Variants in LMBRD2 observed in about 807,000 individuals in gnomAD.
LMBRD2 encodes G protein-coupled receptor-associated protein LMBRD2.
Under a neutral mutation model 94.4 loss-of-function variants are expected in LMBRD2, and 55 were observed. The observed-to-expected ratio is 0.58, with a 90% CI of 0.47 to 0.73. LMBRD2 has a LOEUF of 0.73. Ranked by LOEUF, LMBRD2 falls within the 30% of genes least tolerant of loss-of-function variation. LMBRD2 has a pLI of 0.00. For missense variants in LMBRD2, 640 were observed against 831.9 expected, an observed-to-expected ratio of 0.77 and a Z score of 2.84; for synonymous variants, 246 against 272.4, an observed-to-expected ratio of 0.90 and a Z score of 0.95.
chr5:36,139,367 C>T (rs1235281364), intron 4 of LMBRD2, among the ~76,000 whole-genome samples: 1 of 152,204 alleles, frequency 6.6e-6, no homozygotes, highest in Non-Finnish European at 1.5e-5. Flanking sequence ...GGCCTGCAGG[C>T]ACTGGTTGGC....
chr5:36,136,389 G>A lies in LMBRD2; in HGVS notation c.667C>T (p.Leu223Phe). The A allele has an allele frequency of 6.2e-7, 1 of 1,614,030 alleles. No individual in the cohort carries two copies. Among genetic ancestry groups the A allele is most frequent in the Non-Finnish European group, 8.5e-7 (1 of 1,179,946 alleles). ...GCTGCCTTAAAATACGTTTTCATAA[G>A]TAGATAACCCCTTTTTGCTCCATTC... The part of the protein sequence containing the change: ...YWNGAKRGYL[L>F]MKTYFKAAKL... Residue 223 changes from leucine (L) to phenylalanine (F), a missense_variant, in exon 6 of 18, where the codon CTT becomes TTT. Leu to Phe is a conservative substitution (Grantham distance 22, BLOSUM62 0). This residue lies in a region of LMBRD2 where 457 missense variants were observed against 642.8 expected (regional missense o/e 0.71). Coordinates refer to ENST00000296603, the MANE Select transcript of LMBRD2 (RefSeq NM_001007527.2).
rs547033012 is a variant in LMBRD2 at position 36,107,745 on chromosome 5, T to G, written c.1897+789A>C. Among the ~76,000 whole-genome samples the G allele has an allele frequency of 3.9e-4, 59 of 152,304 alleles. 2 individuals are homozygous for G. The South Asian group carries it at 0.012, about 31-fold the overall frequency. ...TATGGATATGCCACAGAGGGAGTCTTCTCCATGTTTCTATTCCTCCTCCAA... is the reference window on the plus strand; with the variant it reads ...TATGGATATGCCACAGAGGGAGTCTGCTCCATGTTTCTATTCCTCCTCCAA... On this transcript the variant is annotated intron_variant, in intron 16 of 17. Transcript: ENST00000296603.
intron 3 of LMBRD2, 74 bp from the exon 4 acceptor site, chr5:36,141,276 G>A: frequency 1.2e-6 from 1 of 818,874 alleles, no homozygotes; most frequent in East Asian, 2.7e-5. Flanking sequence ...ATTTGCATGT[G>A]GCCAAGTTAA....
chr5:36,138,312 A>T (rs952788084), intron 4 of LMBRD2, among the ~76,000 whole-genome samples: 8 of 152,238 alleles, frequency 5.3e-5, no homozygotes, highest in African/African-American at 1.9e-4. Flanking sequence ...AATTTATTTA[A>T]GAAGTTTGGC....
chr5:36,114,172 A>C (rs1743683984), intron 13 of LMBRD2, among the ~76,000 whole-genome samples: 1 of 152,144 alleles, frequency 6.6e-6, no homozygotes, highest in Admixed American at 6.5e-5. Context: ...ATCATTTTTT[A>C]GCCTAAATAG....
At position 36,122,960 on chromosome 5, in the gene LMBRD2, C is replaced by T. The variant is rs748783096; in HGVS notation, c.824G>A (p.Cys275Tyr). The T allele has an allele frequency of 2.0e-6, 3 of 1,483,704 alleles. No individual in the cohort carries two copies. The highest frequency in any genetic ancestry group is 1.8e-6 in the Non-Finnish European group (2 of 1,129,134). 91.9% of individuals were successfully genotyped at this position (1,483,704 alleles called of 1,614,324 possible). A position where few individuals can be genotyped will look rare whatever the true frequency, so the allele number is the denominator to read the frequency against. The change falls in exon 8 of 18, where the codon TGC becomes TAC. Residue 275 changes from cysteine to tyrosine, a missense_variant and splice_region_variant. By Grantham distance (194) the Cys-to-Tyr change is radical (BLOSUM62 -2). Coordinates refer to ENST00000296603, the MANE Select transcript of LMBRD2 (RefSeq NM_001007527.2). ...RKCVDTILKK[C>Y]PTEYQEKMGR... ...CATTTTTTCCTGATACTCTGTAGGG[C>T]ACTAAAAAAAAAAAAAAGTAGATTT...
At position 36,137,461 on chromosome 5, in the gene LMBRD2, A is replaced by G; in HGVS notation, c.369-20T>C. 1 of 1,494,990 alleles carries G rather than the reference A, an allele frequency of 6.7e-7. No homozygotes were observed. The highest frequency in any genetic ancestry group is 9.0e-7 in the Non-Finnish European group (1 of 1,105,798). 92.6% of individuals were successfully genotyped at this position (1,494,990 alleles called of 1,614,324 possible). A position where few individuals can be genotyped will look rare whatever the true frequency, so the allele number is the denominator to read the frequency against. Reference sequence around the variant, plus strand: ...AGAATCCTAGATGGATAGAAAAAATATGATTAAAAACCCAAATAATTGATA... The same window carrying G: ...AGAATCCTAGATGGATAGAAAAAATGTGATTAAAAACCCAAATAATTGATA... On this transcript the variant is annotated intron_variant, in intron 4 of 17. Transcript: ENST00000296603.
intron 6 of LMBRD2, among the ~76,000 whole-genome samples, chr5:36,128,030 C>A (rs1240595433): frequency 1.3e-5 from 2 of 152,102 alleles, no homozygotes; most frequent in East Asian, 3.9e-4. Context: ...GACACCCCTC[C>A]CCCACCTCCA....
intron 1 of LMBRD2, among the ~76,000 whole-genome samples, chr5:36,145,358 T>C (rs1744512403): frequency 1.3e-5 from 2 of 152,250 alleles, no homozygotes; most frequent in Non-Finnish European, 2.9e-5. Context: ...AAATTTCATA[T>C]TCTATGAAAC....
Position 36,130,577 on chromosome 5 carries a change from T to C in LMBRD2, c.747+5732A>G, listed in dbSNP as rs188624841. Among the ~76,000 whole-genome samples the C allele has an allele frequency of 7.2e-5, 11 of 152,178 alleles. No homozygotes were observed. The East Asian group carries it at 2.1e-3, about 29-fold the overall frequency. ...CAGAATGGCAGGAGTAAGTCCTCAC[T>C]TATCAATAATAACACTGAATGTAAA... On this transcript the variant is annotated intron_variant, in intron 6 of 17. Transcript: ENST00000296603.
chr5:36,123,603 G>A (rs879588811), intron 7 of LMBRD2, among the ~76,000 whole-genome samples: 1 of 151,688 alleles, frequency 6.6e-6, no homozygotes, highest in Admixed American at 6.6e-5. Context: ...AAAGACAATT[G>A]GGGAACTGCA....
intron 6 of LMBRD2, among the ~76,000 whole-genome samples, chr5:36,135,636 C>G (rs1177136681): frequency 6.6e-6 from 1 of 152,112 alleles, no homozygotes; most frequent in African/African-American, 2.4e-5. Context: ...GTATCATCAG[C>G]TGAGTAGCAT....
chr5:36,121,513 CA>C (rs1163381659), intron 9 of LMBRD2, among the ~76,000 whole-genome samples: 1 of 151,948 alleles, frequency 6.6e-6, no homozygotes, highest in East Asian at 1.9e-4. Context: ...CATAAATTAG[CA>C]AAAAGGAGAA....
In LMBRD2 at chr5:36,100,709, A is replaced by G. The variant is rs1175868705; in HGVS notation, c.*3337T>C. 6.6e-6 allele frequency: 1 copy of G among 152,088 alleles called. No homozygotes were observed. Among genetic ancestry groups the G allele is most frequent in the African/African-American group, 2.4e-5 (1 of 41,438 alleles). 9.4% of individuals were successfully genotyped at this position (152,088 alleles called of 1,614,324 possible). ...TAGTGCAAATATACTTGTAATTTTT[A>G]GGCATAATCCACTCAAATCACAAGT... On this transcript the variant is annotated 3_prime_UTR_variant, in exon 18 of 18. Coordinates refer to ENST00000296603, the MANE Select transcript of LMBRD2 (RefSeq NM_001007527.2).
chr5:36,124,287 T>C, intron 6 of LMBRD2, 22 bp from the exon 7 acceptor site: 3 of 1,359,256 alleles, frequency 2.2e-6, no homozygotes, highest in Non-Finnish European at 3.1e-6. Flanking sequence ...GTAAAATAAA[T>C]AAAAATATTT....
At chr5:36,144,563 A>C (rs953669581) in intron 1 of LMBRD2, among the ~76,000 whole-genome samples, 1 of 152,188 alleles carries the variant, frequency 6.6e-6, no homozygotes, top group African/African-American at 2.4e-5. Context: ...GGGTGCCTGT[A>C]ATCACAGCTA....
Position 36,102,634 on chromosome 5 carries a change from G to C in LMBRD2, c.*1412C>G, listed in dbSNP as rs1252502291. The C allele has an allele frequency of 6.6e-6, 1 of 151,126 alleles. No homozygotes were observed. 9.4% of individuals were successfully genotyped at this position (151,126 alleles called of 1,614,324 possible). A position where few individuals can be genotyped will look rare whatever the true frequency, so the allele number is the denominator to read the frequency against. On this transcript the variant is annotated 3_prime_UTR_variant, in exon 18 of 18. Transcript: ENST00000296603. ...TTCCTTTCAATATCTGCATAGAGCTGTGTTTTAAAAAAAAACTTACATGAT... is the reference window on the plus strand; with the variant it reads ...TTCCTTTCAATATCTGCATAGAGCTCTGTTTTAAAAAAAAACTTACATGAT...
chr5:36,149,985 A>G (rs755992999), intron 1 of LMBRD2, among the ~76,000 whole-genome samples: 8 of 152,232 alleles, frequency 5.3e-5, no homozygotes, highest in Non-Finnish European at 1.0e-4. Flanking sequence ...ATGACCAGAT[A>G]GCAACCTCTA....
At chr5:36,136,185 G>A in intron 6 of LMBRD2, 124 bp downstream of exon 6, 1 of 848,886 alleles carries the variant, frequency 1.2e-6, no homozygotes, top group South Asian at 1.5e-5. Context: ...CTGAAGGATT[G>A]CACAACACCA....
Sources: allele counts gnomAD v4.1 joint callset (sites outside exome capture counted in the v4.1 genomes callset), GRCh38; gene constraint gnomAD v4.1.1; regional missense constraint gnomAD v4.1.1; transcripts MANE v1.5; gene names NCBI Gene and HGNC (gene_info 2026-07-23, HGNC 2026-07-21).